Variants in SEMA6A observed in about 807,000 individuals in gnomAD.
The protein encoded by SEMA6A is semaphorin 6A.
In SEMA6A, 25 loss-of-function variants were observed where a neutral mutation model predicts 96.8. The ratio of observed to expected loss-of-function variants is 0.26; its 90% CI spans 0.19 to 0.36. The LOEUF is 0.36. SEMA6A is among the 10% of genes least tolerant of loss of function. The probability of loss-of-function intolerance (pLI) is 1.00; values close to 1 mark genes in which losing one functional copy is unlikely to be tolerated. For synonymous variants in SEMA6A, 612 were observed against 518.0 expected, an observed-to-expected ratio of 1.18 and a Z score of -2.46; for missense variants, 1,363 against 1,323.1, an observed-to-expected ratio of 1.03 and a Z score of -0.47.
intron 16 of SEMA6A, 33 bp downstream of exon 16, chr5:116,475,512 C>A: frequency 6.6e-7 from 1 of 1,518,688 alleles, no homozygotes; most frequent in East Asian, 2.4e-5. Flanking sequence ...CATCTTTGCC[C>A]AAAGATAAAA....
Position 116,446,406 on chromosome 5 carries a change from A to T in SEMA6A, c.*207T>A. The T allele has an allele frequency of 2.1e-6, 1 of 470,048 alleles. No individual in the cohort carries two copies. The highest frequency in any genetic ancestry group is 3.7e-6 in the Non-Finnish European group (1 of 269,056). The allele number at this position is 470,048 out of a possible 1,614,324, so 29.1% of individuals were successfully genotyped here. ...AAAGTGAAGGAAGAGAATGAAGGTG[A>T]GTCCCCGCCGTTGCAAACCTTCACC... On this transcript the variant is annotated 3_prime_UTR_variant, in exon 19 of 19. Coordinates refer to ENST00000343348, the MANE Select transcript of SEMA6A (RefSeq NM_020796.5).
In SEMA6A at chr5:116,445,933, G is replaced by A. The variant is rs1056874829; in HGVS notation, c.*680C>T. On this transcript the variant is annotated 3_prime_UTR_variant, in exon 19 of 19. Coordinates refer to ENST00000343348, the MANE Select transcript of SEMA6A (RefSeq NM_020796.5). ...TAAATAAAGAGTTACTTGCGTTAAC[G>A]GTCACGTTATTTCATTAAAAGAGAG... The A allele has an allele frequency of 3.9e-5, 6 of 152,730 alleles. No homozygotes were observed. In the East Asian group the frequency reaches 1.2e-3, roughly 29 times the overall value. The allele number at this position is 152,730 out of a possible 1,614,324, so 9.5% of individuals were successfully genotyped here. A position where few individuals can be genotyped will look rare whatever the true frequency, so the allele number is the denominator to read the frequency against.
intron 5 of SEMA6A, chr5:116,496,044 G>T: frequency 2.0e-6 from 1 of 502,908 alleles, no homozygotes; most frequent in Non-Finnish European, 3.6e-6. Flanking sequence ...AGTTCATGAT[G>T]CAGGCCTAGC....
chr5:116,566,232 G>C (rs1375058604), intron 1 of SEMA6A, among the ~76,000 whole-genome samples: 1 of 152,186 alleles, frequency 6.6e-6, no homozygotes, highest in African/African-American at 2.4e-5. Flanking sequence ...GAAGGGCTAA[G>C]AAAGGCGTAA....
intron 1 of SEMA6A, among the ~76,000 whole-genome samples, chr5:116,509,244 T>G (rs1184210379): frequency 6.6e-6 from 1 of 152,136 alleles, no homozygotes. Context: ...GATTTGCAAA[T>G]ACAAAATGCT....
chr5:116,457,211 T>C (rs1307900201), intron 18 of SEMA6A, among the ~76,000 whole-genome samples: 2 of 152,198 alleles, frequency 1.3e-5, no homozygotes, highest in Admixed American at 6.5e-5. Flanking sequence ...GGTATATTTA[T>C]TACCTTAACA....
At chr5:116,546,906 A>G (rs534529170) in intron 1 of SEMA6A, among the ~76,000 whole-genome samples, 1 of 152,352 alleles carries the variant, frequency 6.6e-6, no homozygotes, top group African/African-American at 2.4e-5. Flanking sequence ...CTGAGCAAAC[A>G]CAGGCTTCAG....
intron 18 of SEMA6A, among the ~76,000 whole-genome samples, chr5:116,467,355 C>T (rs1755823055): frequency 6.6e-6 from 1 of 152,104 alleles, no homozygotes; most frequent in Non-Finnish European, 1.5e-5. Context: ...GTAGAGGAAG[C>T]TCAGAGGACA....
In SEMA6A at chr5:116,448,196, A is replaced by AAAAAAAAAAAAAAAAAAAAT. The variant is rs780426357; in HGVS notation, c.1895-386_1895-385insATTTTTTTTTTTTTTTTTTT. Among the ~76,000 whole-genome samples the AAAAAAAAAAAAAAAAAAAAT allele has an allele frequency of 1.6e-4, 22 of 138,700 alleles. 1 individual carries two copies. The highest frequency in any genetic ancestry group is 5.9e-4 in the African/African-American group (21 of 35,656). The allele number at this position is 138,700 out of a possible 152,430, so 91.0% of individuals were successfully genotyped here. A position where few individuals can be genotyped will look rare whatever the true frequency, so the allele number is the denominator to read the frequency against. On this transcript the variant is annotated intron_variant, in intron 18 of 18. Transcript: ENST00000343348. ...AAAAAAAAAAAAAAAAAAAAAAAAA[A>AAAAAAAAAAAAAAAAAAAAT]TTAGCCAGGCGCGGTGGCGGGGGCT...
At chr5:116,554,538 G>T (rs909941053) in intron 1 of SEMA6A, among the ~76,000 whole-genome samples, 2 of 152,118 alleles carry the variant, frequency 1.3e-5, no homozygotes, top group Non-Finnish European at 2.9e-5. Context: ...AAGATAATAC[G>T]TAACAATTTG....
At chr5:116,466,059 TAAAAAAAAAA>T (rs35801222) in intron 18 of SEMA6A, among the ~76,000 whole-genome samples, 2,532 of 93,684 alleles carry the variant, frequency 0.027, 45 homozygotes, top group Non-Finnish European at 0.04. Context: ...AAAACCAGCT[TAAAAAAAAAA>T]AAAAAAAAAA....
intron 1 of SEMA6A, among the ~76,000 whole-genome samples, chr5:116,512,572 C>G (rs1191131313): frequency 6.6e-6 from 1 of 152,070 alleles, no homozygotes; most frequent in East Asian, 1.9e-4. Flanking sequence ...GTAAGTACTT[C>G]TAGAAAAAAA....
At chr5:116,454,466 A>G (rs1386387934) in intron 18 of SEMA6A, among the ~76,000 whole-genome samples, 1 of 152,232 alleles carries the variant, frequency 6.6e-6, no homozygotes, top group Non-Finnish European at 1.5e-5. Context: ...CCTGCAAGAC[A>G]GTATAAATGA....
In SEMA6A at chr5:116,497,226, T is replaced by TA. The variant is rs144216412; in HGVS notation, c.279+100dup. 6.2e-4 allele frequency: 428 copies of TA among 690,388 alleles called. No homozygotes were observed. The African/African-American group carries it at 7.2e-3, about 12-fold the overall frequency. 42.8% of individuals were successfully genotyped at this position (690,388 alleles called of 1,614,324 possible). On this transcript the variant is annotated intron_variant, in intron 4 of 18. Transcript: ENST00000343348. Reference sequence around the variant, plus strand: ...AAAATGCATGTTGGCATCTCTAAATTATGATTAGCTACATCATCTTAATGC... The same window carrying TA: ...AAAATGCATGTTGGCATCTCTAAATTAATGATTAGCTACATCATCTTAATGC...
intron 18 of SEMA6A, among the ~76,000 whole-genome samples, chr5:116,449,164 G>C (rs555780075): frequency 6.6e-6 from 1 of 152,296 alleles, no homozygotes. Context: ...GATCTTAAGT[G>C]CTTGATGCAG....
At position 116,478,676 on chromosome 5, in the gene SEMA6A, T is replaced by C. The variant is rs2112688689; in HGVS notation, c.1293A>G (p.Pro431=). The C allele has an allele frequency of 1.2e-6, 2 of 1,613,806 alleles. No individual in the cohort carries two copies. Among genetic ancestry groups the C allele is most frequent in the Admixed American group, 1.7e-5 (1 of 59,984 alleles). ...GAAAAACCACAGTGTGATTCTGATATGGCCCAGCAGCTGTGTCCACTGCAA... is the reference window on the plus strand; with the variant it reads ...GAAAAACCACAGTGTGATTCTGATACGGCCCAGCAGCTGTGTCCACTGCAA... ...TKIAVDTAAG[P]YQNHTVVFLG... The change falls in exon 13 of 19, where the codon CCA becomes CCG. Residue 431 remains proline, a synonymous_variant. Transcript: ENST00000343348.
In SEMA6A at chr5:116,522,782, T is replaced by A. The variant is rs1314266500; in HGVS notation, c.-38-17800A>T. Reference sequence around the variant, plus strand: ...GATTTCTGGGCAGGCACCTGCCCCCTTGTTCTCTGTCTTCACTGGCCTTTC... The same window carrying A: ...GATTTCTGGGCAGGCACCTGCCCCCATGTTCTCTGTCTTCACTGGCCTTTC... On this transcript the variant is annotated intron_variant, in intron 1 of 18. Coordinates refer to ENST00000343348, the MANE Select transcript of SEMA6A (RefSeq NM_020796.5). Among the ~76,000 whole-genome samples, 7 of 152,286 alleles carry A rather than the reference T, an allele frequency of 4.6e-5. No individual in the cohort carries two copies. The East Asian group carries it at 1.4e-3, about 29-fold the overall frequency.
At chr5:116,467,882 A>AGTGTTG in intron 17 of SEMA6A, 135 bp from the exon 18 acceptor site, 1 of 551,100 alleles carries the variant, frequency 1.8e-6, no homozygotes, top group Non-Finnish European at 3.1e-6. Context: ...GACACGGCTT[A>AGTGTTG]GTGGTGGTGG....
Position 116,480,147 on chromosome 5 carries a change from G to T in SEMA6A, c.1225C>A (p.Pro409Thr). The T allele has an allele frequency of 8.1e-6, 13 of 1,613,824 alleles. No individual in the cohort carries two copies. Among genetic ancestry groups the T allele is most frequent in the Non-Finnish European group, 1.1e-5 (13 of 1,179,774 alleles). Reference sequence around the variant, plus strand: ...CTGACCATTGTTCTCAGGAACCATGGCCTGTTGAAGATGGAGGGCACTGCC... The same window carrying T: ...CTGACCATTGTTCTCAGGAACCATGTCCTGTTGAAGATGGAGGGCACTGCC... Reference protein sequence around the residue: ...DEAVPSIFNRPWFLRTMVRYR... With the variant: ...DEAVPSIFNRTWFLRTMVRYR... The change falls in exon 12 of 19, where the codon CCA (proline) becomes ACA (threonine). Residue 409 changes from proline (P) to threonine (T), a missense_variant. Transcript: ENST00000343348.
Sources: allele counts gnomAD v4.1 joint callset (sites outside exome capture counted in the v4.1 genomes callset), GRCh38; gene constraint gnomAD v4.1.1; transcripts MANE v1.5; gene names NCBI Gene and HGNC (gene_info 2026-07-23, HGNC 2026-07-21).